Variants in CAMTA1 observed in about 807,000 individuals in gnomAD.
CAMTA1 encodes calmodulin binding transcription activator 1, also known as calmodulin-binding transcription activator 1.
A neutral mutation model predicts 170.9 loss-of-function variants in CAMTA1; 27 were observed. The observed-to-expected ratio is 0.16, with a 90% CI of 0.12 to 0.22. CAMTA1 has a LOEUF of 0.22. Among genes scored for constraint, CAMTA1 ranks in the 10% least tolerant of loss-of-function variants. The probability of loss-of-function intolerance (pLI) is 1.00; values close to 1 mark genes in which losing one functional copy is unlikely to be tolerated. For missense variants in CAMTA1, 1,619 were observed against 2,217.2 expected, an observed-to-expected ratio of 0.73 and a Z score of 5.42; for synonymous variants, 833 against 891.5, an observed-to-expected ratio of 0.93 and a Z score of 1.17.
intron 5 of CAMTA1, among the ~76,000 whole-genome samples, chr1:7,421,246 G>A (rs2091542018): frequency 6.6e-6 from 1 of 151,270 alleles, no homozygotes; most frequent in Admixed American, 6.6e-5. Flanking sequence ...TCCACCTCCT[G>A]GATTCAAGCA....
chr1:7,653,086 G>A (rs78807484), intron 7 of CAMTA1, among the ~76,000 whole-genome samples: 2,306 of 152,214 alleles, frequency 0.015, 58 homozygotes, highest in African/African-American at 0.052. Flanking sequence ...AAACCCCAGC[G>A]TTTCTAATTC....
At chr1:7,438,070 C>G (rs1024718944) in intron 5 of CAMTA1, among the ~76,000 whole-genome samples, 1 of 152,084 alleles carries the variant, frequency 6.6e-6, no homozygotes, top group Non-Finnish European at 1.5e-5. Flanking sequence ...TTTGAGGAAC[C>G]CAAGAAGAAC....
At chr1:7,700,168 G>A (rs913991215) in intron 11 of CAMTA1, among the ~76,000 whole-genome samples, 2 of 151,212 alleles carry the variant, frequency 1.3e-5, no homozygotes, top group Non-Finnish European at 2.9e-5. Flanking sequence ...CCTCTTATAT[G>A]TAGGTCTTTG....
At chr1:7,390,924 T>C (rs929446444) in intron 5 of CAMTA1, among the ~76,000 whole-genome samples, 2 of 152,204 alleles carry the variant, frequency 1.3e-5, no homozygotes, top group Non-Finnish European at 2.9e-5. Flanking sequence ...AGGCCTCGCC[T>C]CCGTTGGAGT....
intron 1 of CAMTA1, among the ~76,000 whole-genome samples, chr1:6,796,334 C>A (rs1034411892): frequency 6.6e-6 from 1 of 151,664 alleles, no homozygotes; most frequent in Non-Finnish European, 1.5e-5. Context: ...GATGGAGTTT[C>A]GCCGTGTTGC....
At chr1:7,043,896 A>G (rs980154300) in intron 3 of CAMTA1, among the ~76,000 whole-genome samples, 2 of 152,206 alleles carry the variant, frequency 1.3e-5, no homozygotes, top group Non-Finnish European at 2.9e-5. Flanking sequence ...CAGAGAAATT[A>G]GAGATGCATG....
intron 3 of CAMTA1, among the ~76,000 whole-genome samples, chr1:7,004,718 A>G (rs1025062576): frequency 6.6e-6 from 1 of 152,104 alleles, no homozygotes; most frequent in Non-Finnish European, 1.5e-5. Context: ...CTGATTTCCA[A>G]CATTATACTT....
At chr1:6,917,367 GAT>G (rs1681039648) in intron 3 of CAMTA1, among the ~76,000 whole-genome samples, 1 of 152,146 alleles carries the variant, frequency 6.6e-6, no homozygotes, top group South Asian at 2.1e-4. Context: ...CAGCTGATGA[GAT>G]ATCTGACTTG....
intron 3 of CAMTA1, among the ~76,000 whole-genome samples, chr1:7,020,885 C>A (rs544209080): frequency 6.6e-6 from 1 of 152,342 alleles, no homozygotes; most frequent in East Asian, 1.9e-4. Context: ...GGCAGGTGAT[C>A]CCCTGATTGT....
intron 3 of CAMTA1, among the ~76,000 whole-genome samples, chr1:6,849,822 G>T (rs1239012564): frequency 6.6e-6 from 1 of 151,888 alleles, no homozygotes; most frequent in African/African-American, 2.4e-5. Context: ...ATCACTTGAA[G>T]TCAGGAGTTC....
intron 5 of CAMTA1, among the ~76,000 whole-genome samples, chr1:7,462,534 C>T (rs532629506): frequency 6.6e-6 from 1 of 152,306 alleles, no homozygotes; most frequent in Non-Finnish European, 1.5e-5. Flanking sequence ...GGATTACAGG[C>T]AGGAACCACC....
intron 5 of CAMTA1, among the ~76,000 whole-genome samples, chr1:7,418,006 C>T (rs968937522): frequency 3.9e-5 from 6 of 152,150 alleles, no homozygotes; most frequent in Admixed American, 3.3e-4. Flanking sequence ...AGGACCCTCA[C>T]CTCCTTGGCC....
At chr1:7,284,599 G>A (rs892985276) in intron 5 of CAMTA1, among the ~76,000 whole-genome samples, 8 of 152,150 alleles carry the variant, frequency 5.3e-5, no homozygotes, top group Non-Finnish European at 1.0e-4. Context: ...TGTGCTAACT[G>A]CAGAGTAAGT....
chr1:7,619,057 C>T (rs1188253735), intron 6 of CAMTA1, among the ~76,000 whole-genome samples: 3 of 152,188 alleles, frequency 2.0e-5, no homozygotes, highest in African/African-American at 7.2e-5. Flanking sequence ...TGTGTGGCTT[C>T]CCCCTAGTCA....
At chr1:7,350,513 C>T (rs1360793112) in intron 5 of CAMTA1, among the ~76,000 whole-genome samples, 2 of 152,198 alleles carry the variant, frequency 1.3e-5, no homozygotes, top group Non-Finnish European at 2.9e-5. Flanking sequence ...TCTGCGATAT[C>T]ACTGCTAGAA....
chr1:7,442,430 A>G (rs771441229), intron 5 of CAMTA1, among the ~76,000 whole-genome samples: 1 of 152,138 alleles, frequency 6.6e-6, no homozygotes, highest in Non-Finnish European at 1.5e-5. Flanking sequence ...TTTAATAACG[A>G]AATATGCATA....
chr1:6,988,891 G>A (rs766661938), intron 3 of CAMTA1, among the ~76,000 whole-genome samples: 5 of 152,198 alleles, frequency 3.3e-5, no homozygotes, highest in Non-Finnish European at 5.9e-5. Flanking sequence ...GGGGAGACCT[G>A]CTCTTTGTAG....
At chr1:7,606,101 G>A (rs572211845) in intron 6 of CAMTA1, among the ~76,000 whole-genome samples, 1 of 152,344 alleles carries the variant, frequency 6.6e-6, no homozygotes, top group African/African-American at 2.4e-5. Flanking sequence ...ACTCTGGCAA[G>A]TCTGGGAGGA....
At chr1:7,684,014 G>A (rs2096236941) in intron 11 of CAMTA1, among the ~76,000 whole-genome samples, 2 of 152,214 alleles carry the variant, frequency 1.3e-5, no homozygotes, top group Non-Finnish European at 2.9e-5. Context: ...TGCAGCTGGA[G>A]CCACACCAAG....
Sources: allele counts gnomAD v4.1 joint callset (sites outside exome capture counted in the v4.1 genomes callset), GRCh38; gene constraint gnomAD v4.1.1; transcripts MANE v1.5; gene names NCBI Gene and HGNC (gene_info 2026-07-23, HGNC 2026-07-21).